Variants in PDE3B observed in about 807,000 individuals in gnomAD.
PDE3B encodes the protein cGMP-inhibited 3',5'-cyclic phosphodiesterase 3B.
Under a neutral mutation model 116.8 loss-of-function variants are expected in PDE3B, and 66 were observed. The observed-to-expected ratio is 0.56, with a 90% CI of 0.46 to 0.69. The LOEUF is 0.69. Among genes scored for constraint, PDE3B ranks in the 30% least tolerant of loss-of-function variants. The pLI is 0.00. For synonymous variants in PDE3B, 595 were observed against 533.6 expected (o/e 1.12, Z -1.59); for missense variants, 1,384 against 1,368.1 (o/e 1.01, Z -0.18).
intron 1 of PDE3B, among the ~76,000 whole-genome samples, chr11:14,717,564 C>T (rs376926936): frequency 1.3e-5 from 1 of 75,690 alleles, no homozygotes; most frequent in Admixed American, 1.5e-4. Flanking sequence ...AGACTAACAG[C>T]GGATCTCTCG....
intron 4 of PDE3B, among the ~76,000 whole-genome samples, chr11:14,801,698 G>C (rs1858771155): frequency 6.6e-6 from 1 of 152,194 alleles, no homozygotes; most frequent in African/African-American, 2.4e-5. Flanking sequence ...AGAGCCATTG[G>C]GCAGGGATGG....
rs541128053 is a variant in PDE3B, at chr11:14,743,372, C to T, written c.979-28565C>T. On this transcript the variant is annotated intron_variant, in intron 1 of 15. Coordinates refer to ENST00000282096, the MANE Select transcript of PDE3B (RefSeq NM_000922.4). ...TTTATTTATGCTGTGAGGGGAAAAC[C>T]GCCTACTCAAGTCTCAGTAATGGCA... 3.3e-5 allele frequency among the ~76,000 whole-genome samples: 5 copies of T among 152,228 alleles called. No individual in the cohort carries two copies. The South Asian group carries it at 6.2e-4, about 19-fold the overall frequency.
chr11:14,781,085 A>G (rs1857983952), intron 2 of PDE3B, among the ~76,000 whole-genome samples: 1 of 152,196 alleles, frequency 6.6e-6, no homozygotes, highest in African/African-American at 2.4e-5. Flanking sequence ...AAATTCCTCG[A>G]CACATACACC....
intron 1 of PDE3B, among the ~76,000 whole-genome samples, chr11:14,667,810 C>G (rs1264349054): frequency 1.3e-5 from 2 of 149,734 alleles, no homozygotes; most frequent in African/African-American, 4.9e-5. Context: ...GCACGTTGTG[C>G]ACATGTACCC....
chr11:14,797,807 T>C (rs1372895395), intron 4 of PDE3B, among the ~76,000 whole-genome samples: 1 of 152,238 alleles, frequency 6.6e-6, no homozygotes, highest in Non-Finnish European at 1.5e-5. Flanking sequence ...TGAAGTTGCT[T>C]ATCAGCTTAA....
At chr11:14,894,915 A>G in the PDE3B span, among the ~76,000 whole-genome samples, 1 of 152,242 alleles carries the variant, frequency 6.6e-6, no homozygotes, top group African/African-American at 2.4e-5. Context: ...TCACTGTTTC[A>G]TGGCTGAGAT....
At chr11:14,892,220 G>A in the PDE3B span, 3 of 1,606,752 alleles carry the variant, frequency 1.9e-6, no homozygotes, top group East Asian at 4.5e-5. Flanking sequence ...CCGAGCTGGA[G>A]GTGCGAACTC....
chr11:14,780,439 A>G (rs956533912), intron 2 of PDE3B, among the ~76,000 whole-genome samples: 1 of 152,252 alleles, frequency 6.6e-6, no homozygotes, highest in Admixed American at 6.5e-5. Flanking sequence ...AGCAAATGTA[A>G]AAGAACAGAA....
rs574776696 is a variant in PDE3B at position 14,648,395 on chromosome 11, G to GT, written c.978+3350dup. Among the ~76,000 whole-genome samples the GT allele has an allele frequency of 2.4e-3, 364 of 151,904 alleles. 1 individual carries two copies. The highest frequency in any genetic ancestry group is 8.2e-3 in the African/African-American group (339 of 41,428). ...GTAGTGTGAGAGCCTAAAAAAGAGA[G>GT]TTTTTTTTAAAGTGTGGTTATTTAC... On this transcript the variant is annotated intron_variant, in intron 1 of 15. Transcript: ENST00000282096.
At chr11:14,802,061 G>T (rs1309883329) in intron 4 of PDE3B, among the ~76,000 whole-genome samples, 1 of 152,350 alleles carries the variant, frequency 6.6e-6, no homozygotes, top group South Asian at 2.1e-4. Context: ...ATCTTAGTTT[G>T]CTGGGCTCTG....
chr11:14,647,061 A>T (rs1853431570), intron 1 of PDE3B, among the ~76,000 whole-genome samples: 1 of 151,986 alleles, frequency 6.6e-6, no homozygotes, highest in Non-Finnish European at 1.5e-5. Context: ...ATGTTTATTT[A>T]TGCTTGTTCC....
chr11:14,814,007 T>TA (rs1859237759), intron 5 of PDE3B, among the ~76,000 whole-genome samples: 1 of 152,200 alleles, frequency 6.6e-6, no homozygotes, highest in Non-Finnish European at 1.5e-5. Flanking sequence ...AGAATACTCA[T>TA]ATGGTCATCT....
the PDE3B span, chr11:14,880,308 A>G: frequency 6.2e-7 from 1 of 1,613,282 alleles, no homozygotes; most frequent in South Asian, 1.1e-5. Context: ...AAGCATCAAC[A>G]AAATGCTGAG....
chr11:14,791,537 A>G (rs541579124), intron 4 of PDE3B, among the ~76,000 whole-genome samples: 1 of 152,266 alleles, frequency 6.6e-6, no homozygotes, highest in East Asian at 1.9e-4. Flanking sequence ...TTCTACAGAT[A>G]ACAGTTGTCA....
At chr11:14,880,476 T>C in the PDE3B span, 8 of 1,613,524 alleles carry the variant, frequency 5.0e-6, no homozygotes, top group Non-Finnish European at 6.8e-6. Context: ...CACTGGCAGC[T>C]AGTTCCACAT....
intron 1 of PDE3B, among the ~76,000 whole-genome samples, chr11:14,721,223 G>A (rs1055401698): frequency 7.2e-5 from 11 of 152,290 alleles, no homozygotes; most frequent in African/African-American, 2.6e-4. Context: ...AACACTATGA[G>A]ATACCATCTC....
chr11:14,766,088 G>A (rs1283718555), intron 1 of PDE3B, among the ~76,000 whole-genome samples: 1 of 151,326 alleles, frequency 6.6e-6, no homozygotes, highest in Non-Finnish European at 1.5e-5. Flanking sequence ...CCAACTTAAG[G>A]TAAATGTATA....
intron 1 of PDE3B, among the ~76,000 whole-genome samples, chr11:14,712,129 A>T (rs1590080533): frequency 6.6e-6 from 1 of 152,154 alleles, no homozygotes. Context: ...TCTGTCCCCC[A>T]CACTGGAGTG....
Position 14,644,421 on chromosome 11 carries a change from T to G in PDE3B, c.346T>G (p.Ser116Ala), listed in dbSNP as rs1376204404. 1.2e-6 allele frequency: 2 copies of G among 1,611,634 alleles called. No individual in the cohort carries two copies. Among genetic ancestry groups the G allele is most frequent in the Non-Finnish European group, 1.7e-6 (2 of 1,179,124 alleles). The change falls in exon 1 of 16, where the codon TCG (serine) becomes GCG (alanine). Residue 116 changes from serine to alanine, a missense_variant. Ser to Ala is a moderately conservative substitution (Grantham distance 99, BLOSUM62 1). Transcript: ENST00000282096. ...GCTGCGGACGCTGCTGAGCGTGTGT[T>G]CGCACAGCTTGAGCCCCCTCTTCAG... is the stretch of plus-strand genomic sequence containing the variant. ...AWLRTLLSVC[S>A]HSLSPLFSIA...
Sources: allele counts gnomAD v4.1 joint callset (sites outside exome capture counted in the v4.1 genomes callset), GRCh38; gene constraint gnomAD v4.1.1; transcripts MANE v1.5; gene names NCBI Gene and HGNC (gene_info 2026-07-23, HGNC 2026-07-21).